The following CFAP206 variants were observed in gnomAD, a reference collection of about 807,000 sequenced individuals.
The protein encoded by CFAP206 is cilia- and flagella-associated protein 206.
A neutral mutation model predicts 65.4 loss-of-function variants in CFAP206; 53 were observed. That is an observed-to-expected ratio of 0.81 (90% confidence interval 0.65 to 1.02). The LOEUF (loss-of-function observed/expected upper bound fraction) is 1.02, where lower values mean the gene tolerates loss of function less well. CFAP206 is among the 50% of genes least tolerant of loss of function. CFAP206 has a pLI of 0.00. For synonymous variants in CFAP206, 250 were observed against 254.4 expected (o/e 0.98, Z 0.17); for missense variants, 663 against 753.2 (o/e 0.88, Z 1.40).
intron 9 of CFAP206, 30 bp downstream of exon 9, chr6:87,428,854 C>G: frequency 1.3e-6 from 2 of 1,582,128 alleles, no homozygotes; most frequent in African/African-American, 1.3e-5. Flanking sequence ...ATTTCCTCTT[C>G]TTTTTAAAAT....
chr6:87,432,068 G>A (rs1324572275), intron 10 of CFAP206, among the ~76,000 whole-genome samples: 1 of 152,164 alleles, frequency 6.6e-6, no homozygotes, highest in East Asian at 1.9e-4. Flanking sequence ...ATAAGAAAAA[G>A]CCTGCCAGGG....
chr6:87,434,755 C>T lies in CFAP206; in HGVS notation c.1301-105C>T, dbSNP rs532150698. 28 of 646,356 alleles carry T rather than the reference C, an allele frequency of 4.3e-5. No individual in the cohort carries two copies. The East Asian group carries it at 7.8e-4, about 18-fold the overall frequency. 40.0% of individuals were successfully genotyped at this position (646,356 alleles called of 1,614,324 possible). A position where few individuals can be genotyped will look rare whatever the true frequency, so the allele number is the denominator to read the frequency against. On this transcript the variant is annotated intron_variant, in intron 10 of 12. Coordinates refer to ENST00000369562, the MANE Select transcript of CFAP206 (RefSeq NM_001031743.3). ...TCAGGTGGTCTGCCTGCTTTGGCCT[C>T]CCAAAGTGCTGGAATTACAGGCGTG...
Position 87,434,932 on chromosome 6 carries a change from C to T in CFAP206, c.1373C>T (p.Ser458Leu). 1 of 1,555,952 alleles carries T rather than the reference C, an allele frequency of 6.4e-7. No individual in the cohort carries two copies. The highest frequency in any genetic ancestry group is 8.8e-7 in the Non-Finnish European group (1 of 1,132,450). ...YTFNSKDAAY[S>L]FAENPEHYID... The stretch of plus-strand genomic sequence containing the variant: ...TTCAATAGTAAAGATGCTGCATATT[C>T]ATTTGCAGAAAATCCTGAACATTAT... Residue 458 changes from serine (S) to leucine (L), a missense_variant, in exon 11 of 13, where the codon TCA becomes TTA. Ser to Leu is a moderately radical substitution (Grantham distance 145). Transcript: ENST00000369562.
At chr6:87,418,625 AT>A (rs767805688) in intron 7 of CFAP206, among the ~76,000 whole-genome samples, 2 of 152,078 alleles carry the variant, frequency 1.3e-5, no homozygotes, top group Non-Finnish European at 2.9e-5. Context: ...TTGAATTTGT[AT>A]TTTTTCATTG....
In CFAP206 at chr6:87,409,521, C is replaced by CT. The variant is rs71554717; in HGVS notation, c.-5-299dup. ...AGCCATCGCGCCCAGCCTGCTTAGC[C>CT]TTTTTTTTTTTTTTTAATTAAGAAT... On this transcript the variant is annotated intron_variant, in intron 1 of 12. Coordinates refer to ENST00000369562, the MANE Select transcript of CFAP206 (RefSeq NM_001031743.3). 6.5e-3 allele frequency among the ~76,000 whole-genome samples: 893 copies of CT among 137,950 alleles called. 8 individuals are homozygous for CT. Among genetic ancestry groups the CT allele is most frequent in the African/African-American group, 0.02 (724 of 36,894 alleles). 90.5% of individuals were successfully genotyped at this position (137,950 alleles called of 152,430 possible). A position where few individuals can be genotyped will look rare whatever the true frequency, so the allele number is the denominator to read the frequency against.
intron 11 of CFAP206, among the ~76,000 whole-genome samples, chr6:87,456,946 G>A (rs1245171486): frequency 6.6e-6 from 1 of 152,014 alleles, no homozygotes; most frequent in Admixed American, 6.6e-5. Context: ...TCAGAAGATC[G>A]AAACCATCCT....
intron 11 of CFAP206, among the ~76,000 whole-genome samples, chr6:87,444,121 CTT>C (rs908285178): frequency 6.6e-6 from 1 of 152,078 alleles, no homozygotes; most frequent in Admixed American, 6.6e-5. Context: ...AATCAAGAGA[CTT>C]TTAAAATTTG....
At chr6:87,444,537 A>G (rs563534809) in intron 11 of CFAP206, 3 of 279,016 alleles carry the variant, frequency 1.1e-5, no homozygotes, top group African/African-American at 4.5e-5. Context: ...TATGGCTGCA[A>G]GAACCTCTGG....
At chr6:87,418,773 A>G (rs1767884047) in intron 7 of CFAP206, among the ~76,000 whole-genome samples, 1 of 152,118 alleles carries the variant, frequency 6.6e-6, no homozygotes, top group African/African-American at 2.4e-5. Context: ...TTTTTGTGTA[A>G]TTATTTGTTC....
chr6:87,454,395 T>G (rs181875267), intron 11 of CFAP206, among the ~76,000 whole-genome samples: 22 of 152,072 alleles, frequency 1.4e-4, no homozygotes, highest in Non-Finnish European at 2.2e-4. Flanking sequence ...ACCAAATACT[T>G]ACAGTACATT....
intron 11 of CFAP206, among the ~76,000 whole-genome samples, chr6:87,439,058 G>T (rs1429131954): frequency 6.6e-6 from 1 of 151,942 alleles, no homozygotes; most frequent in African/African-American, 2.4e-5. Context: ...TTGCCTTTTA[G>T]TTTTCAAAAT....
At chr6:87,429,996 T>C (rs553568518) in intron 9 of CFAP206, among the ~76,000 whole-genome samples, 7 of 152,310 alleles carry the variant, frequency 4.6e-5, no homozygotes, top group African/African-American at 1.7e-4. Context: ...GCTAACCATA[T>C]TGGCAAGACT....
At chr6:87,430,556 A>C (rs550329463) in intron 9 of CFAP206, among the ~76,000 whole-genome samples, 6 of 152,294 alleles carry the variant, frequency 3.9e-5, no homozygotes, top group African/African-American at 1.2e-4. Flanking sequence ...CATCATATTA[A>C]ACATATTTTG....
At chr6:87,430,966 G>C (rs113435202) in intron 9 of CFAP206, 67 bp from the exon 10 acceptor site, 4 of 1,469,348 alleles carry the variant, frequency 2.7e-6, no homozygotes, top group Non-Finnish European at 3.8e-6. Context: ...ATGAGCTACT[G>C]CTGATTTATT....
chr6:87,427,462 A>T (rs1031025563), intron 8 of CFAP206, among the ~76,000 whole-genome samples: 1 of 152,172 alleles, frequency 6.6e-6, no homozygotes, highest in African/African-American at 2.4e-5. Context: ...ATTATAGAGG[A>T]TATGAGGCTG....
chr6:87,446,350 C>T (rs1482259890), intron 11 of CFAP206, among the ~76,000 whole-genome samples: 40 of 152,108 alleles, frequency 2.6e-4, no homozygotes. Flanking sequence ...TTGGGTTTTA[C>T]ATTTAAGTCT....
chr6:87,443,193 A>G (rs1448784748), intron 11 of CFAP206, among the ~76,000 whole-genome samples: 2 of 152,264 alleles, frequency 1.3e-5, no homozygotes, highest in East Asian at 3.9e-4. Flanking sequence ...ATCAGATTCA[A>G]TAAGTTGCAT....
intron 1 of CFAP206, 149 bp from the exon 2 acceptor site, chr6:87,409,686 G>T: frequency 2.0e-6 from 1 of 501,814 alleles, no homozygotes; most frequent in Non-Finnish European, 3.5e-6. Flanking sequence ...TGAAAAACAG[G>T]AGAGGCCTAG....
intron 11 of CFAP206, among the ~76,000 whole-genome samples, chr6:87,442,685 A>G (rs1768378473): frequency 6.6e-6 from 1 of 152,072 alleles, no homozygotes; most frequent in South Asian, 2.1e-4. Context: ...AGTTTTTTAT[A>G]TGAATAGTTA....
Sources: gnomAD v4.1 joint callset for allele counts (sites outside exome capture counted in the v4.1 genomes callset) on GRCh38, gnomAD v4.1.1 for gene constraint, MANE v1.5 for transcripts, NCBI Gene and HGNC (gene_info 2026-07-23, HGNC 2026-07-21) for gene names.